PLCH2: variants seen among roughly 807,000 people sequenced by gnomAD.
PLCH2 encodes 1-phosphatidylinositol 4,5-bisphosphate phosphodiesterase eta-2.
PLCH2 carries 98 observed loss-of-function variants against 134.7 expected under a neutral mutation model. The observed-to-expected ratio is 0.73, with a 90% CI of 0.62 to 0.86. The LOEUF (loss-of-function observed/expected upper bound fraction) is 0.86, where lower values mean the gene tolerates loss of function less well. PLCH2 is among the 40% of genes least tolerant of loss of function. The probability of loss-of-function intolerance (pLI) is 0.00; values close to 1 mark genes in which losing one functional copy is unlikely to be tolerated. For missense variants in PLCH2, 1,994 were observed against 1,986.6 expected (o/e 1.00, Z -0.07); for synonymous variants, 974 against 827.5 (o/e 1.18, Z -3.04).
upstream of PLCH2, among the ~76,000 whole-genome samples, chr1:2,423,996 T>A (rs746028004): frequency 8.1e-4 from 123 of 152,216 alleles, no homozygotes; most frequent in Non-Finnish European, 2.4e-4. Flanking sequence ...AAACCCTGTC[T>A]TCAAGTGGTG....
At chr1:2,458,473 A>C (rs998836910) in intron 2 of PLCH2, among the ~76,000 whole-genome samples, 2 of 152,188 alleles carry the variant, frequency 1.3e-5, no homozygotes, top group South Asian at 4.1e-4. Context: ...TGACCTGGAC[A>C]TGCCGAGTGG....
Position 2,496,112 on chromosome 1 carries a change from A to G in PLCH2, c.1836-495A>G, listed in dbSNP as rs1231444503. Among the ~76,000 whole-genome samples, 7 of 151,374 alleles carry G rather than the reference A, an allele frequency of 4.6e-5. 1 individual carries two copies. The highest frequency in any genetic ancestry group is 1.0e-4 in the Non-Finnish European group (7 of 67,768). On this transcript the variant is annotated intron_variant, in intron 13 of 21. Transcript: ENST00000378486. The stretch of plus-strand genomic sequence containing the variant: ...CGTCTCCCCTCACTTCCATCCCCCA[A>G]TGGTTCCTCCGTGCCCCTCGCCTGG...
Position 2,427,729 on chromosome 1 carries a change from G to A in PLCH2, c.-178+1692G>A, listed in dbSNP as rs762356846. On this transcript the variant is annotated intron_variant, in intron 1 of 3. Coordinates refer to the PLCH2 transcript ENST00000609981. ...GAGCTCGCGATCCAAGGGACACAGC[G>A]TGAGGGGCCACCGCAGGTATTGAAA... 4.6e-5 allele frequency among the ~76,000 whole-genome samples: 7 copies of A among 152,268 alleles called. 1 individual carries two copies. The South Asian group carries it at 6.2e-4, about 14-fold the overall frequency.
Position 2,503,984 on chromosome 1 carries a change from G to A in PLCH2, c.3022G>A (p.Glu1008Lys). ...PPLCSLETIA[E>K]EPAPGPGPPP... ...ACTGTGCAGCCTGGAAACCATCGCT[G>A]AGGAGCCCGCCCCAGGCCCTGGTCC... is the stretch of plus-strand genomic sequence containing the variant. The change falls in exon 22 of 22, where the codon GAG (glutamate) becomes AAG (lysine). Residue 1008 changes from glutamate (E) to lysine (K), a missense_variant. This residue lies in a region of PLCH2 where 900 missense variants were observed against 752.3 expected (regional missense o/e 1.20). Coordinates refer to ENST00000378486, the MANE Select transcript of PLCH2 (RefSeq NM_014638.4). 2.0e-6 allele frequency: 3 copies of A among 1,514,118 alleles called. No individual in the cohort carries two copies. Among genetic ancestry groups the A allele is most frequent in the East Asian group, 2.5e-5 (1 of 40,174 alleles). 93.8% of individuals were successfully genotyped at this position (1,514,118 alleles called of 1,614,324 possible).
At chr1:2,482,845 C>T (rs1256615259) in intron 4 of PLCH2, among the ~76,000 whole-genome samples, 1 of 152,196 alleles carries the variant, frequency 6.6e-6, no homozygotes, top group Non-Finnish European at 1.5e-5. Context: ...TCAGCTGAGG[C>T]ACATCTGCAG....
chr1:2,472,766 C>T (rs1374866155), upstream of PLCH2, among the ~76,000 whole-genome samples: 1 of 152,136 alleles, frequency 6.6e-6, no homozygotes, highest in African/African-American at 2.4e-5. Flanking sequence ...GCCAGGGCCA[C>T]CTCTGGACAG....
At position 2,498,672 on chromosome 1, in the gene PLCH2, G is replaced by T. The variant is rs1271980573; in HGVS notation, c.2349+25G>T. On this transcript the variant is annotated intron_variant, in intron 17 of 21. Coordinates refer to ENST00000378486, the MANE Select transcript of PLCH2 (RefSeq NM_014638.4). The surrounding 1 kb of genome is among the most constrained non-coding windows in gnomAD (Gnocchi z 5.4). ...GGTGGGGGCCAGCCCCACACAGGCGGGAGGGGTGGGAGTTGGGGGCGGGCC... is the reference window on the plus strand; with the variant it reads ...GGTGGGGGCCAGCCCCACACAGGCGTGAGGGGTGGGAGTTGGGGGCGGGCC... 14 of 1,514,744 alleles carry T rather than the reference G, an allele frequency of 9.2e-6. No homozygotes were observed. Among genetic ancestry groups the T allele is most frequent in the African/African-American group, 1.4e-5 (1 of 73,432 alleles). 93.8% of individuals were successfully genotyped at this position (1,514,744 alleles called of 1,614,324 possible).
intron 5 of PLCH2, among the ~76,000 whole-genome samples, chr1:2,485,599 G>A (rs988521092): frequency 1.3e-5 from 2 of 151,576 alleles, no homozygotes; most frequent in Non-Finnish European, 2.9e-5. Flanking sequence ...GCCTCAGCCT[G>A]GGGGTGCTGC....
At chr1:2,478,778 G>A (rs535551994) in intron 2 of PLCH2, among the ~76,000 whole-genome samples, 156 bp downstream of exon 2, 2 of 152,264 alleles carry the variant, frequency 1.3e-5, no homozygotes, top group South Asian at 2.1e-4. Context: ...CAGTGACCTC[G>A]GGCTGTGGGG....
At chr1:2,450,184 CG>C (rs1188142173) in intron 2 of PLCH2, among the ~76,000 whole-genome samples, 1 of 152,014 alleles carries the variant, frequency 6.6e-6, no homozygotes. Flanking sequence ...TGGGCCTCGA[CG>C]GGGGGGCAGA....
chr1:2,459,211 G>A (rs74049262), intron 2 of PLCH2, among the ~76,000 whole-genome samples: 11,103 of 151,880 alleles, frequency 0.073, 455 homozygotes, highest in East Asian at 0.13. Context: ...CAAATGCCAC[G>A]CTGGTGACAA....
At chr1:2,423,383 G>C (rs530357700), upstream of PLCH2, among the ~76,000 whole-genome samples, 1 of 152,138 alleles carries the variant, frequency 6.6e-6, no homozygotes, top group African/African-American at 2.4e-5. Context: ...ATCTTGCTCT[G>C]TTGTCCCTGC....
chr1:2,476,708 C>A lies in PLCH2; in HGVS notation c.120C>A (p.Pro40=). 1.9e-6 allele frequency: 3 copies of A among 1,606,586 alleles called. No homozygotes were observed. Among genetic ancestry groups the A allele is most frequent in the Middle Eastern group, 1.8e-4 (1 of 5,698 alleles). Residue 40 remains proline (P), a synonymous_variant, in exon 1 of 22, where the codon CCC becomes CCA. Transcript: ENST00000378486. ...TGTCTTCAGAGTGGCAGCTCGGCCCCCTGGGTAAGAAGGGGCAGGCGAGTG... is the reference window on the plus strand; with the variant it reads ...TGTCTTCAGAGTGGCAGCTCGGCCCACTGGGTAAGAAGGGGCAGGCGAGTG... The part of the protein sequence containing the change: ...VVLSSEWQLG[P]LVERCMGAMQ...
upstream of PLCH2, among the ~76,000 whole-genome samples, chr1:2,467,205 A>C (rs1312873631): frequency 6.6e-6 from 1 of 151,944 alleles, no homozygotes; most frequent in Non-Finnish European, 1.5e-5. Context: ...GAGGGAGGAC[A>C]GGATGAACGG....
At chr1:2,452,071 G>A (rs770226477) in intron 2 of PLCH2, among the ~76,000 whole-genome samples, 77 of 152,290 alleles carry the variant, frequency 5.1e-4, no homozygotes, top group Non-Finnish European at 8.7e-4. Context: ...ACGGGAAGGC[G>A]CCCCCTCCCT....
At chr1:2,491,444 GCA>G in intron 11 of PLCH2, 109 bp downstream of exon 11, 1 of 1,136,082 alleles carries the variant, frequency 8.8e-7, no homozygotes, top group Non-Finnish European at 1.3e-6. Context: ...TCACACCTGT[GCA>G]CACACAAATC....
chr1:2,459,433 C>T (rs1413058411), intron 2 of PLCH2, among the ~76,000 whole-genome samples: 7 of 77,152 alleles, frequency 9.1e-5, no homozygotes, highest in Non-Finnish European at 1.9e-4. Context: ...TGCCGGTGGT[C>T]CTCCTTGCCG....
Position 2,491,322 on chromosome 1 carries a change from AGCTCGGAC to A in PLCH2, c.1649_1656del (p.Leu550GlnfsTer5). ...GTCTCCACACTGTCCCCATCTGGAA[AGCTCGGAC>A]GCAAGGTAGAGGCCAAAAAGGTGAC... On this transcript the variant is annotated frameshift_variant, in exon 11 of 22. Transcript: ENST00000378486. LOFTEE classifies it high-confidence loss of function. 2.5e-6 allele frequency: 4 copies of A among 1,612,826 alleles called. No individual in the cohort carries two copies. Among genetic ancestry groups the A allele is most frequent in the Non-Finnish European group, 3.4e-6 (4 of 1,179,692 alleles).
At chr1:2,469,127 G>T (rs879571879) in intron 1 of PLCH2, among the ~76,000 whole-genome samples, 1 of 152,196 alleles carries the variant, frequency 6.6e-6, no homozygotes, top group Non-Finnish European at 1.5e-5. Flanking sequence ...TCCTGGGCAC[G>T]TTGTCCCTGG....
Sources: gnomAD v4.1 joint callset for allele counts (sites outside exome capture counted in the v4.1 genomes callset) on GRCh38, gnomAD v4.1.1 for gene constraint, gnomAD v4.1.1 regional missense constraint, Gnocchi (gnomAD v3.1) non-coding constraint, MANE v1.5 for transcripts, NCBI Gene and HGNC (gene_info 2026-07-23, HGNC 2026-07-21) for gene names.